The following ADAM10 variants were observed in gnomAD, a reference collection of about 807,000 sequenced individuals.
The protein encoded by ADAM10 is ADAM metallopeptidase domain 10.
Under a neutral mutation model 90.1 loss-of-function variants are expected in ADAM10, and 17 were observed. That is an observed-to-expected ratio of 0.19 (90% CI 0.13 to 0.28). The LOEUF (loss-of-function observed/expected upper bound fraction) is 0.28, where lower values mean the gene tolerates loss of function less well. Among genes scored for constraint, ADAM10 ranks in the 10% least tolerant of loss-of-function variants. The pLI is 1.00. For missense variants in ADAM10, 610 were observed against 914.3 expected (o/e 0.67, Z 4.29); for synonymous variants, 310 against 298.6 (o/e 1.04, Z -0.40).
In ADAM10 at chr15:58,640,938, T is replaced by C; in HGVS notation, c.851A>G (p.Lys284Arg). The C allele has an allele frequency of 6.2e-7, 1 of 1,614,076 alleles. No individual in the cohort carries two copies. Among genetic ancestry groups the C allele is most frequent in the Non-Finnish European group, 8.5e-7 (1 of 1,179,930 alleles). Residue 284 changes from lysine (K) to arginine (R), a missense_variant, in exon 8 of 16, where the codon AAG becomes AGG. Lys to Arg is a conservative substitution (Grantham distance 26, BLOSUM62 2). Transcript: ENST00000260408. ...GAAACGGAAAGGATTTGTAGGGTCC[T>C]TCTCATCAGCAGTTGTATTGATCTA... The part of the protein sequence containing the change: ...RIRINTTADE[K>R]DPTNPFRFPN...
At chr15:58,714,379 C>T (rs1466370775) in intron 2 of ADAM10, among the ~76,000 whole-genome samples, 1 of 151,602 alleles carries the variant, frequency 6.6e-6, no homozygotes, top group Non-Finnish European at 1.5e-5. Context: ...AAGCAAAACC[C>T]CTTCCAAGTA....
chr15:58,731,278 T>C (rs1899227356), intron 1 of ADAM10, among the ~76,000 whole-genome samples: 1 of 152,258 alleles, frequency 6.6e-6, no homozygotes, highest in South Asian at 2.1e-4. Context: ...ACAAATGAAG[T>C]GCTGGCATTA....
At chr15:58,626,706 C>G (rs1895957424) in intron 10 of ADAM10, among the ~76,000 whole-genome samples, 1 of 151,978 alleles carries the variant, frequency 6.6e-6, no homozygotes, top group East Asian at 1.9e-4. Context: ...AAGCCAGGCA[C>G]GAAAGAACAA....
chr15:58,745,255 CAAT>C lies in ADAM10; in HGVS notation c.55+4222_55+4224del, dbSNP rs1253713637. ...CATATCTGAACCACTGATCTGCCAACAATGTTAGGAAAATGTAGCTAATTGCTG... is the reference window on the plus strand; with the variant it reads ...CATATCTGAACCACTGATCTGCCAACGTTAGGAAAATGTAGCTAATTGCTG... On this transcript the variant is annotated intron_variant, in intron 1 of 15. Transcript: ENST00000260408. Among the ~76,000 whole-genome samples the C allele has an allele frequency of 1.3e-5, 2 of 152,194 alleles. 1 individual carries two copies. Among genetic ancestry groups the C allele is most frequent in the South Asian group, 4.1e-4 (2 of 4,836 alleles).
chr15:58,707,672 T>C (rs1898347432), intron 2 of ADAM10, among the ~76,000 whole-genome samples: 1 of 152,226 alleles, frequency 6.6e-6, no homozygotes, highest in Non-Finnish European at 1.5e-5. Context: ...CTATTATACA[T>C]GATTACAGAA....
intron 11 of ADAM10, among the ~76,000 whole-genome samples, chr15:58,618,710 A>G (rs1895692161): frequency 6.6e-6 from 1 of 152,162 alleles, no homozygotes. Context: ...CTAAATAAAC[A>G]TTTTTCAAAA....
intron 2 of ADAM10, among the ~76,000 whole-genome samples, chr15:58,704,550 T>A (rs1395506646): frequency 2.6e-5 from 4 of 152,200 alleles, no homozygotes; most frequent in Admixed American, 6.5e-5. Context: ...CTTTTCATTT[T>A]ACTACAATAA....
intron 1 of ADAM10, among the ~76,000 whole-genome samples, chr15:58,738,670 G>T (rs1022430314): frequency 6.6e-6 from 1 of 152,038 alleles, no homozygotes; most frequent in Non-Finnish European, 1.5e-5. Flanking sequence ...ATATACAAAG[G>T]GCTGAAAACA....
At chr15:58,686,105 G>C (rs1345913156) in intron 2 of ADAM10, among the ~76,000 whole-genome samples, 1 of 152,154 alleles carries the variant, frequency 6.6e-6, no homozygotes, top group African/African-American at 2.4e-5. Flanking sequence ...ATCTGCACAG[G>C]CGTTCACCTG....
At chr15:58,741,284 T>C (rs1899604605) in intron 1 of ADAM10, among the ~76,000 whole-genome samples, 1 of 152,136 alleles carries the variant, frequency 6.6e-6, no homozygotes, top group Non-Finnish European at 1.5e-5. Flanking sequence ...ATCAAGAGTG[T>C]CAATCATATT....
At chr15:58,717,091 C>CCTCT (rs1325711639) in intron 2 of ADAM10, among the ~76,000 whole-genome samples, 1 of 151,936 alleles carries the variant, frequency 6.6e-6, no homozygotes, top group Non-Finnish European at 1.5e-5. Context: ...TTTTTTTTAA[C>CCTCT]CTCTCTCCCT....
At chr15:58,742,114 A>C (rs1478219959) in intron 1 of ADAM10, among the ~76,000 whole-genome samples, 1 of 152,186 alleles carries the variant, frequency 6.6e-6, no homozygotes, top group Non-Finnish European at 1.5e-5. Context: ...AGTATTTTTT[A>C]CTTTTCTTCT....
intron 5 of ADAM10, among the ~76,000 whole-genome samples, chr15:58,664,770 C>T (rs1897041685): frequency 6.6e-6 from 1 of 152,054 alleles, no homozygotes; most frequent in Non-Finnish European, 1.5e-5. Flanking sequence ...AATACCTTGG[C>T]AAACCAAGGC....
At chr15:58,617,208 G>GA (rs1332397519) in intron 11 of ADAM10, among the ~76,000 whole-genome samples, 1 of 151,944 alleles carries the variant, frequency 6.6e-6, no homozygotes, top group Non-Finnish European at 1.5e-5. Flanking sequence ...ACTAGACAAG[G>GA]AAAAAATATC....
At chr15:58,643,761 G>T in intron 7 of ADAM10, 125 bp downstream of exon 7, 1 of 770,048 alleles carries the variant, frequency 1.3e-6, no homozygotes, top group Non-Finnish European at 2.2e-6. Flanking sequence ...TGCATCAACA[G>T]ATACAATTAA....
chr15:58,747,338 T>C (rs1899824922), intron 1 of ADAM10: 1 of 152,202 alleles, frequency 6.6e-6, no homozygotes, highest in African/African-American at 2.4e-5. Context: ...CAACAGTGAC[T>C]GACAAATTGG....
At chr15:58,724,176 CAAA>C (rs547892688) in intron 1 of ADAM10, among the ~76,000 whole-genome samples, 1 of 120,016 alleles carries the variant, frequency 8.3e-6, no homozygotes. Context: ...GACTCCGTCT[CAAA>C]AAAAAAAAAA....
At chr15:58,689,952 C>CCCAAA (rs1555418398) in intron 2 of ADAM10, among the ~76,000 whole-genome samples, 4 of 108,896 alleles carry the variant, frequency 3.7e-5, no homozygotes, top group Non-Finnish European at 5.7e-5. Flanking sequence ...AGACCCCCCC[C>CCCAAA]AAAAAAAAAA....
chr15:58,662,134 T>A (rs1327209705), intron 5 of ADAM10, among the ~76,000 whole-genome samples: 1 of 152,246 alleles, frequency 6.6e-6, no homozygotes, highest in Non-Finnish European at 1.5e-5. Context: ...GAACACTGAA[T>A]GTTATACTGC....
Sources: allele counts gnomAD v4.1 joint callset (sites outside exome capture counted in the v4.1 genomes callset), GRCh38; gene constraint gnomAD v4.1.1; transcripts MANE v1.5; gene names NCBI Gene and HGNC (gene_info 2026-07-23, HGNC 2026-07-21).